SLC35G2: variants seen among roughly 807,000 people sequenced by gnomAD.
SLC35G2 encodes solute carrier family 35 member G2.
In SLC35G2, 20 loss-of-function variants were observed where a neutral mutation model predicts 27.2. That is an observed-to-expected ratio of 0.74 (90% CI 0.52 to 1.07). The LOEUF (loss-of-function observed/expected upper bound fraction) is 1.07. Ranked by LOEUF, SLC35G2 falls within the 50% of genes least tolerant of loss-of-function variation. The probability of loss-of-function intolerance (pLI) is 0.00; values close to 1 mark genes in which losing one functional copy is unlikely to be tolerated. For synonymous variants in SLC35G2, 148 were observed against 165.3 expected, an observed-to-expected ratio of 0.90 and a Z score of 0.80; for missense variants, 416 against 493.3, an observed-to-expected ratio of 0.84 and a Z score of 1.48.
At chr3:136,833,091 AATAAAAC>A (rs1936774327) in intron 1 of SLC35G2, among the ~76,000 whole-genome samples, 2 of 150,074 alleles carry the variant, frequency 1.3e-5, no homozygotes, top group South Asian at 4.2e-4. Context: ...AAAAAAAAAG[AATAAAAC>A]ATAAGATGGT....
At chr3:136,822,370 A>G (rs1279544257) in intron 1 of SLC35G2, among the ~76,000 whole-genome samples, 1 of 152,128 alleles carries the variant, frequency 6.6e-6, no homozygotes, top group Non-Finnish European at 1.5e-5. Flanking sequence ...GCTGGAGTGC[A>G]GTGGCATGAT....
Position 136,854,853 on chromosome 3 carries a change from T to G in SLC35G2, c.393T>G (p.Val131=). Residue 131 remains valine, a synonymous_variant, in exon 2 of 2, where the codon GTT becomes GTG. Transcript: ENST00000446465. The part of the protein sequence containing the change: ...ITRLVSDRSK[V]PSLELIFIRS... ...GGCTTGTTTCTGATCGGTCTAAAGT[T>G]CCATCTCTAGAACTGATTTTTATCC... The G allele has an allele frequency of 6.2e-7, 1 of 1,614,204 alleles. No individual in the cohort carries two copies. Among genetic ancestry groups the G allele is most frequent in the Non-Finnish European group, 8.5e-7 (1 of 1,180,022 alleles).
rs1373997723 is a variant in SLC35G2 at position 136,854,998 on chromosome 3, A to G, written c.538A>G (p.Thr180Ala). The change falls in exon 2 of 2, where the codon ACT becomes GCT. Residue 180 changes from threonine (T) to alanine (A), a missense_variant. Thr to Ala is a moderately conservative substitution (Grantham distance 58, BLOSUM62 0). Coordinates refer to ENST00000446465, the MANE Select transcript of SLC35G2 (RefSeq NM_025246.3). ...FYGVCNVISI[T>A]CAYTSFSIVP... ...TGGTGTATGCAATGTCATTTCTATC[A>G]CTTGTGCTTATACATCATTTTCAAT... The G allele has an allele frequency of 6.2e-7, 1 of 1,614,086 alleles. No homozygotes were observed. Among genetic ancestry groups the G allele is most frequent in the Admixed American group, 1.7e-5 (1 of 59,996 alleles).
At chr3:136,840,144 G>C (rs948370667) in intron 1 of SLC35G2, among the ~76,000 whole-genome samples, 1 of 152,182 alleles carries the variant, frequency 6.6e-6, no homozygotes, top group Non-Finnish European at 1.5e-5. Context: ...TGGGGGGACT[G>C]CCACACCTTC....
intron 1 of SLC35G2, among the ~76,000 whole-genome samples, chr3:136,820,690 A>T (rs1289559680): frequency 6.6e-6 from 1 of 152,180 alleles, no homozygotes; most frequent in Non-Finnish European, 1.5e-5. Flanking sequence ...ACTACAAGCC[A>T]CACATTTTTT....
chr3:136,819,135 A>G lies in SLC35G2; in HGVS notation c.-512A>G, dbSNP rs1400261. 102,946 of 151,774 alleles carry G rather than the reference A, an allele frequency of 0.68. 35,207 individuals are homozygous for G. The highest frequency in any genetic ancestry group is 0.87 in the East Asian group (4,438 of 5,126). The allele number at this position is 151,774 out of a possible 1,614,324, so 9.4% of individuals were successfully genotyped here. On this transcript the variant is annotated 5_prime_UTR_variant, in exon 1 of 2. Coordinates refer to ENST00000446465, the MANE Select transcript of SLC35G2 (RefSeq NM_025246.3). ...CCTCTCCCTCCGCAGTACTCCGGGC[A>G]GCGCCCGCCTCGATTTTCCCAGGCG... is the stretch of plus-strand genomic sequence containing the variant.
chr3:136,836,818 T>C (rs1330548752), intron 1 of SLC35G2, among the ~76,000 whole-genome samples: 3 of 152,210 alleles, frequency 2.0e-5, no homozygotes, highest in Admixed American at 6.5e-5. Flanking sequence ...TGTAAACATA[T>C]TACTTTGCTA....
intron 1 of SLC35G2, among the ~76,000 whole-genome samples, chr3:136,833,667 T>C (rs956048836): frequency 1.3e-5 from 2 of 152,158 alleles, no homozygotes; most frequent in Admixed American, 6.6e-5. Context: ...TCCTGTGAGA[T>C]ATAATGTTGC....
chr3:136,820,946 T>C (rs904656679), intron 1 of SLC35G2, among the ~76,000 whole-genome samples: 1 of 150,724 alleles, frequency 6.6e-6, no homozygotes, highest in Non-Finnish European at 1.5e-5. Flanking sequence ...TGAATTAATG[T>C]AAATTTTAAT....
intron 1 of SLC35G2, among the ~76,000 whole-genome samples, chr3:136,828,213 G>T (rs1936638721): frequency 6.6e-6 from 1 of 152,206 alleles, no homozygotes; most frequent in African/African-American, 2.4e-5. Flanking sequence ...TATGTATTCT[G>T]CAGCAGTTGG....
chr3:136,855,535 A>G lies in SLC35G2; in HGVS notation c.1075A>G (p.Met359Val), dbSNP rs757784307. The stretch of plus-strand genomic sequence containing the variant: ...ACAACATTTGGAGATTGTGGTAGCT[A>G]TGGTCTTGCAGCTTCTCGTGCTGCA... ...TVQHLEIVVAMVLQLLVLHIF... is the reference protein window; with the variant it reads ...TVQHLEIVVAVVLQLLVLHIF... Residue 359 changes from methionine to valine, a missense_variant, in exon 2 of 2, where the codon ATG becomes GTG. Coordinates refer to ENST00000446465, the MANE Select transcript of SLC35G2 (RefSeq NM_025246.3). The G allele has an allele frequency of 1.2e-6, 2 of 1,614,134 alleles. No individual in the cohort carries two copies. The highest frequency in any genetic ancestry group is 1.7e-5 in the Admixed American group (1 of 60,028).
At chr3:136,827,310 C>G (rs1936611803) in intron 1 of SLC35G2, among the ~76,000 whole-genome samples, 1 of 151,828 alleles carries the variant, frequency 6.6e-6, no homozygotes, top group African/African-American at 2.4e-5. Flanking sequence ...CCTCCTGGTG[C>G]CCAAGTGATC....
At chr3:136,850,237 C>T (rs1250639241) in intron 1 of SLC35G2, among the ~76,000 whole-genome samples, 1 of 152,174 alleles carries the variant, frequency 6.6e-6, no homozygotes, top group East Asian at 1.9e-4. Flanking sequence ...CTGCTCATGA[C>T]CAGTTGCCAT....
chr3:136,852,849 T>G (rs1184357387), intron 1 of SLC35G2, among the ~76,000 whole-genome samples: 1 of 151,766 alleles, frequency 6.6e-6, no homozygotes, highest in Non-Finnish European at 1.5e-5. Flanking sequence ...TAGGAAATTG[T>G]TGAAAGGAAG....
Position 136,854,741 on chromosome 3 carries a change from C to T in SLC35G2, c.281C>T (p.Ala94Val), listed in dbSNP as rs537100825. The T allele has an allele frequency of 2.4e-5, 39 of 1,614,032 alleles. No homozygotes were observed. The East Asian group carries it at 2.7e-4, about 11-fold the overall frequency. The change falls in exon 2 of 2, where the codon GCA becomes GTA. Residue 94 changes from alanine (A) to valine (V), a missense_variant. Coordinates refer to ENST00000446465, the MANE Select transcript of SLC35G2 (RefSeq NM_025246.3). ...INEIGQFQSF[A>V]EKNIFQSRKM... ...GAGATTGGACAATTCCAGAGCTTTG[C>T]AGAAAAAAACATTTTTCAATCCCGA...
At chr3:136,826,328 C>T (rs73230093) in intron 1 of SLC35G2, among the ~76,000 whole-genome samples, 9,110 of 150,758 alleles carry the variant, frequency 0.06, 380 homozygotes, top group Middle Eastern at 0.12. Context: ...TGAGCCACCA[C>T]GAGGTCCTGG....
At chr3:136,851,737 A>G (rs1161800770) in intron 1 of SLC35G2, among the ~76,000 whole-genome samples, 1 of 152,120 alleles carries the variant, frequency 6.6e-6, no homozygotes, top group Non-Finnish European at 1.5e-5. Flanking sequence ...ATAGGAAATC[A>G]CTGTAGGTTC....
In SLC35G2 at chr3:136,839,112, G is replaced by A. The variant is rs201516055; in HGVS notation, c.-18-15331G>A. Reference sequence around the variant, plus strand: ...TGCTGACTCACAGGAAGGTGATTCTGCTTTTTTTTTTTTTTTAACAGAAGG... The same window carrying A: ...TGCTGACTCACAGGAAGGTGATTCTACTTTTTTTTTTTTTTTAACAGAAGG... On this transcript the variant is annotated intron_variant, in intron 1 of 1. Transcript: ENST00000446465. 11 of 74,938 alleles carry A rather than the reference G, an allele frequency of 1.5e-4. No individual in the cohort carries two copies. The Admixed American group carries it at 1.8e-3, about 12-fold the overall frequency. 4.6% of individuals were successfully genotyped at this position (74,938 alleles called of 1,614,324 possible).
chr3:136,851,353 C>A (rs965459131), intron 1 of SLC35G2, among the ~76,000 whole-genome samples: 1 of 151,664 alleles, frequency 6.6e-6, no homozygotes, highest in South Asian at 2.1e-4. Context: ...AAAAATTAGC[C>A]GGGCGTGGTG....
Sources: gnomAD v4.1 joint callset for allele counts (sites outside exome capture counted in the v4.1 genomes callset) on GRCh38, gnomAD v4.1.1 for gene constraint, MANE v1.5 for transcripts, NCBI Gene and HGNC (gene_info 2026-07-23, HGNC 2026-07-21) for gene names.